Variants in MGAT4C observed in about 807,000 individuals in gnomAD.
MGAT4C encodes alpha-1,3-mannosyl-glycoprotein 4-beta-N-acetylglucosaminyltransferase C.
Under a neutral mutation model 40.1 loss-of-function variants are expected in MGAT4C, and 19 were observed. That is an observed-to-expected ratio of 0.47 (90% CI 0.33 to 0.70). The LOEUF is 0.70. MGAT4C is among the 30% of genes least tolerant of loss of function. The pLI is 0.02. For missense variants in MGAT4C, 491 were observed against 563.2 expected (o/e 0.87, Z 1.30); for synonymous variants, 181 against 187.1 (o/e 0.97, Z 0.27).
At chr12:86,494,933 A>G (rs1958211406) in intron 2 of MGAT4C, among the ~76,000 whole-genome samples, 1 of 152,112 alleles carries the variant, frequency 6.6e-6, no homozygotes, top group Non-Finnish European at 1.5e-5. Flanking sequence ...ATCGACAATG[A>G]GAAAGAATGA....
At chr12:86,228,738 A>G (rs2136008048) in intron 1 of MGAT4C, among the ~76,000 whole-genome samples, 1 of 152,116 alleles carries the variant, frequency 6.6e-6, no homozygotes, top group South Asian at 2.1e-4. Context: ...AACTAAAAGA[A>G]AAAACATTTA....
intron 2 of MGAT4C, among the ~76,000 whole-genome samples, chr12:86,487,903 T>C (rs1243135409): frequency 6.6e-6 from 1 of 152,172 alleles, no homozygotes; most frequent in African/African-American, 2.4e-5. Flanking sequence ...CATAAGTTTA[T>C]ATCAAAATAA....
intron 2 of MGAT4C, among the ~76,000 whole-genome samples, chr12:86,508,057 T>A (rs1306223807): frequency 7.2e-5 from 11 of 152,086 alleles, no homozygotes; most frequent in South Asian, 4.1e-4. Context: ...TTTAATATTT[T>A]TTTATTTATT....
chr12:86,562,426 A>T (rs1352328558), intron 2 of MGAT4C, among the ~76,000 whole-genome samples: 1 of 152,030 alleles, frequency 6.6e-6, no homozygotes, highest in South Asian at 2.1e-4. Flanking sequence ...CTGAGCTCCT[A>T]AATTCTGAGG....
Position 86,265,876 on chromosome 12 carries a change from G to C in MGAT4C, c.-57+68189C>G, listed in dbSNP as rs59976763. Among the ~76,000 whole-genome samples, 437 of 152,030 alleles carry C rather than the reference G, an allele frequency of 2.9e-3. 2 individuals are homozygous for C. The highest frequency in any genetic ancestry group is 0.01 in the African/African-American group (424 of 41,466). ...ACTTCCTTGGTTAAATATATTCTTA[G>C]GTATTTATATTTATTTTTGTAGCTA... On this transcript the variant is annotated intron_variant, in intron 4 of 7. Coordinates refer to the MGAT4C transcript ENST00000548651.
rs917462770 is a variant in MGAT4C, at chr12:86,308,380, C to G, written c.-57+25685G>C. On this transcript the variant is annotated intron_variant, in intron 4 of 7. Coordinates refer to the MGAT4C transcript ENST00000548651. Reference sequence around the variant, plus strand: ...GAGAGTTTTTATATCAGTTTCTTTACAAATACAGATTTCTGAAAGGTTTGA... The same window carrying G: ...GAGAGTTTTTATATCAGTTTCTTTAGAAATACAGATTTCTGAAAGGTTTGA... Among the ~76,000 whole-genome samples the G allele has an allele frequency of 7.3e-5, 11 of 150,432 alleles. 1 individual carries two copies. Among genetic ancestry groups the G allele is most frequent in the African/African-American group, 2.8e-4 (11 of 39,900 alleles).
At chr12:86,603,288 A>T (rs1565877598) in intron 2 of MGAT4C, among the ~76,000 whole-genome samples, 1 of 141,988 alleles carries the variant, frequency 7.0e-6, no homozygotes, top group East Asian at 2.0e-4. Context: ...AATTAATTAT[A>T]TATAGTATAG....
intron 2 of MGAT4C, among the ~76,000 whole-genome samples, chr12:86,685,385 A>C (rs919371571): frequency 6.6e-6 from 1 of 152,076 alleles, no homozygotes; most frequent in Admixed American, 6.5e-5. Flanking sequence ...GTTCTGTTCC[A>C]TTGGTCTATA....
chr12:86,481,104 G>C (rs373962833), intron 2 of MGAT4C, among the ~76,000 whole-genome samples: 1 of 151,912 alleles, frequency 6.6e-6, no homozygotes, highest in African/African-American at 2.4e-5. Flanking sequence ...ATATCTAAAT[G>C]TCTTAATAAA....
intron 2 of MGAT4C, among the ~76,000 whole-genome samples, chr12:86,616,483 T>C (rs537559110): frequency 3.3e-5 from 5 of 152,128 alleles, no homozygotes; most frequent in African/African-American, 1.2e-4. Flanking sequence ...ATAGTGAACG[T>C]TGACATTTGT....
chr12:86,611,492 A>AGATAGAT (rs1397124160), intron 2 of MGAT4C, among the ~76,000 whole-genome samples: 12 of 151,726 alleles, frequency 7.9e-5, no homozygotes, highest in African/African-American at 2.4e-4. Context: ...ATAGATAGAT[A>AGATAGAT]GATAGATACA....
intron 2 of MGAT4C, among the ~76,000 whole-genome samples, chr12:86,482,586 T>C (rs1051195170): frequency 2.6e-5 from 4 of 152,098 alleles, no homozygotes; most frequent in African/African-American, 9.6e-5. Flanking sequence ...TCCAACCTTA[T>C]TTATTCTCGA....
At chr12:86,688,687 G>A (rs1950119639) in intron 2 of MGAT4C, among the ~76,000 whole-genome samples, 1 of 152,140 alleles carries the variant, frequency 6.6e-6, no homozygotes, top group South Asian at 2.1e-4. Flanking sequence ...CTCTCTTCTA[G>A]CTTGCAGGGT....
intron 1 of MGAT4C, among the ~76,000 whole-genome samples, chr12:86,199,585 G>C (rs1949961088): frequency 1.3e-5 from 2 of 151,976 alleles, no homozygotes. Context: ...TGGAGATATA[G>C]TGTAAATTAA....
At chr12:86,609,594 G>T (rs2136472397) in intron 2 of MGAT4C, among the ~76,000 whole-genome samples, 1 of 152,092 alleles carries the variant, frequency 6.6e-6, no homozygotes, top group Non-Finnish European at 1.5e-5. Flanking sequence ...TAATTTTACT[G>T]ATCTTGGTAC....
At chr12:86,551,264 A>G (rs955048698) in intron 2 of MGAT4C, among the ~76,000 whole-genome samples, 2 of 152,178 alleles carry the variant, frequency 1.3e-5, no homozygotes, top group African/African-American at 4.8e-5. Context: ...ACTTATGACC[A>G]TATCCCAGGC....
At chr12:86,217,364 C>T (rs140360936) in intron 1 of MGAT4C, among the ~76,000 whole-genome samples, 616 of 152,132 alleles carry the variant, frequency 4.0e-3, no homozygotes, top group African/African-American at 0.012. Context: ...TTAGTACAGA[C>T]GTGGTTTCAC....
intron 1 of MGAT4C, among the ~76,000 whole-genome samples, chr12:86,151,582 C>T (rs947870804): frequency 2.0e-5 from 3 of 150,152 alleles, no homozygotes; most frequent in African/African-American, 5.0e-5. Flanking sequence ...GGCAACAGAG[C>T]GAGACTCTGT....
In MGAT4C at chr12:86,720,258, C is replaced by T. The variant is rs112250018; in HGVS notation, c.-229+6951G>A. Among the ~76,000 whole-genome samples the T allele has an allele frequency of 3.5e-3, 534 of 151,910 alleles. 1 individual carries two copies. Among genetic ancestry groups the T allele is most frequent in the African/African-American group, 0.012 (508 of 41,426 alleles). ...TGGATTTCTTGGTAGCTAAAGTCTC[C>T]GAAATCATGTGTTCCAAGAGAGACC... is the stretch of plus-strand genomic sequence containing the variant. On this transcript the variant is annotated intron_variant, in intron 2 of 7. Transcript: ENST00000548651.
Sources: allele counts gnomAD v4.1 joint callset (sites outside exome capture counted in the v4.1 genomes callset), GRCh38; gene constraint gnomAD v4.1.1; transcripts MANE v1.5; gene names NCBI Gene and HGNC (gene_info 2026-07-23, HGNC 2026-07-21).